The following ZNF609 variants were observed in gnomAD, a reference collection of about 807,000 sequenced individuals.
The protein encoded by ZNF609 is zinc finger protein 609.
Under a neutral mutation model 109.5 loss-of-function variants are expected in ZNF609, and 11 were observed. The ratio of observed to expected loss-of-function variants is 0.10; its 90% confidence interval spans 0.06 to 0.17. ZNF609 has a LOEUF of 0.17. Ranked by LOEUF, ZNF609 falls within the 10% of genes least tolerant of loss-of-function variation. The probability of loss-of-function intolerance (pLI) is 1.00; values close to 1 mark genes in which losing one functional copy is unlikely to be tolerated. For missense variants in ZNF609, 1,559 were observed against 1,772.4 expected (o/e 0.88, Z 2.16); for synonymous variants, 646 against 662.0 (o/e 0.98, Z 0.37).
intron 1 of ZNF609, among the ~76,000 whole-genome samples, chr15:64,476,290 C>A (rs201433643): frequency 1.0e-3 from 147 of 145,234 alleles, no homozygotes; most frequent in Non-Finnish European, 9.3e-4. Context: ...CAAAATAGAC[C>A]AAAAAAAAAA....
chr15:64,503,816 T>C (rs1280172627), intron 2 of ZNF609, among the ~76,000 whole-genome samples: 2 of 152,210 alleles, frequency 1.3e-5, no homozygotes, highest in East Asian at 3.8e-4. Context: ...ACTTCCCCCA[T>C]TAGTTTAGGA....
intron 3 of ZNF609, among the ~76,000 whole-genome samples, chr15:64,651,732 A>G (rs1418361864): frequency 1.3e-5 from 2 of 152,224 alleles, no homozygotes; most frequent in African/African-American, 4.8e-5. Context: ...TAGCAAAGAC[A>G]TGAGGTGACC....
intron 4 of ZNF609, among the ~76,000 whole-genome samples, chr15:64,670,929 G>T (rs1896717081): frequency 6.6e-6 from 1 of 150,944 alleles, no homozygotes; most frequent in Admixed American, 6.6e-5. Context: ...TGTTCGGGGG[G>T]CCGGGTACGG....
At chr15:64,468,835 G>A (rs867652113) in intron 1 of ZNF609, among the ~76,000 whole-genome samples, 2 of 152,044 alleles carry the variant, frequency 1.3e-5, no homozygotes, top group African/African-American at 4.8e-5. Context: ...TCATGCCCCT[G>A]TTTTCATGTG....
At chr15:64,528,795 T>C (rs1595708517) in intron 2 of ZNF609, 1 of 826,566 alleles carries the variant, frequency 1.2e-6, no homozygotes, top group East Asian at 2.5e-5. Context: ...GCATCGAAGG[T>C]AGAAGAGTGG....
chr15:64,577,358 C>T (rs1379946702), intron 2 of ZNF609, among the ~76,000 whole-genome samples: 1 of 16,406 alleles, frequency 6.1e-5, no homozygotes, highest in African/African-American at 1.1e-4. Context: ...TATATATACA[C>T]ATATATGTAT....
At chr15:64,535,925 G>T (rs766355546) in intron 2 of ZNF609, among the ~76,000 whole-genome samples, 4 of 151,702 alleles carry the variant, frequency 2.6e-5, no homozygotes, top group African/African-American at 4.8e-5. Flanking sequence ...ATTCTCTTCA[G>T]TGAATCATCT....
intron 3 of ZNF609, among the ~76,000 whole-genome samples, chr15:64,658,520 C>G (rs998353336): frequency 6.6e-6 from 1 of 151,906 alleles, no homozygotes; most frequent in Admixed American, 6.6e-5. Context: ...ATTGAAGGGC[C>G]ACATACCATG....
rs556122154 is a variant in ZNF609 at position 64,599,168 on chromosome 15, G to GTTT, written c.748-23633_748-23631dup. Among the ~76,000 whole-genome samples the GTTT allele has an allele frequency of 1.8e-3, 84 of 46,456 alleles. 1 individual carries two copies. Among genetic ancestry groups the GTTT allele is most frequent in the Non-Finnish European group, 2.8e-3 (64 of 23,222 alleles). 30.5% of individuals were successfully genotyped at this position (46,456 alleles called of 152,430 possible). On this transcript the variant is annotated intron_variant, in intron 2 of 9. Transcript: ENST00000326648. ...TAAAAAAAAAAGTTATTTTGTGGTGGTTTTTTTTTTTTTTTTTTTTTTTTT... is the reference window on the plus strand; with the variant it reads ...TAAAAAAAAAAGTTATTTTGTGGTGGTTTTTTTTTTTTTTTTTTTTTTTTTTTT...
Position 64,615,666 on chromosome 15 carries a change from T to C in ZNF609, c.748-7161T>C, listed in dbSNP as rs911721279. ...CATGCCTGGCTAATTTTTGTACTTA[T>C]AGTAGAGACGGGGTTTTGCCGTGTT... On this transcript the variant is annotated intron_variant, in intron 2 of 9. Transcript: ENST00000326648. Among the ~76,000 whole-genome samples, 3 of 152,226 alleles carry C rather than the reference T, an allele frequency of 2.0e-5. No homozygotes were observed. The South Asian group carries it at 6.2e-4, about 32-fold the overall frequency.
At chr15:64,480,271 C>T (rs1290933402) in intron 1 of ZNF609, among the ~76,000 whole-genome samples, 5 of 151,640 alleles carry the variant, frequency 3.3e-5, no homozygotes, top group Admixed American at 2.0e-4. Flanking sequence ...CAGTGGCTCA[C>T]GCCTGTAATC....
chr15:64,684,559 C>T lies in ZNF609; in HGVS notation c.*2873C>T, dbSNP rs1374532302. The T allele has an allele frequency of 6.6e-6, 1 of 152,450 alleles. No individual in the cohort carries two copies. The highest frequency in any genetic ancestry group is 1.5e-5 in the Non-Finnish European group (1 of 68,054). The allele number at this position is 152,450 out of a possible 1,614,324, so 9.4% of individuals were successfully genotyped here. On this transcript the variant is annotated 3_prime_UTR_variant, in exon 10 of 10. Transcript: ENST00000326648. Reference sequence around the variant, plus strand: ...TGTACATGTACATGTATGAAATTTCCTTCTCTTACCGAACTCTCTCCACAC... The same window carrying T: ...TGTACATGTACATGTATGAAATTTCTTTCTCTTACCGAACTCTCTCCACAC...
intron 2 of ZNF609, among the ~76,000 whole-genome samples, chr15:64,514,695 G>C (rs916485138): frequency 2.0e-5 from 3 of 150,930 alleles, no homozygotes; most frequent in Admixed American, 6.6e-5. Flanking sequence ...CTAGAGTGCA[G>C]TGGCGCGATC....
chr15:64,584,274 A>G (rs1217711304), intron 2 of ZNF609, among the ~76,000 whole-genome samples: 1 of 152,128 alleles, frequency 6.6e-6, no homozygotes, highest in Non-Finnish European at 1.5e-5. Context: ...CCTGGGCAAC[A>G]TGGCGAAACC....
chr15:64,505,695 G>C (rs542335818), intron 2 of ZNF609, among the ~76,000 whole-genome samples: 1 of 152,194 alleles, frequency 6.6e-6, no homozygotes, highest in Admixed American at 6.5e-5. Flanking sequence ...TGGGGTAAGG[G>C]CCCAGAAATC....
intron 3 of ZNF609, among the ~76,000 whole-genome samples, chr15:64,659,930 G>C (rs1896549653): frequency 6.6e-6 from 1 of 151,434 alleles, no homozygotes; most frequent in Non-Finnish European, 1.5e-5. Flanking sequence ...TGCCTCCTGG[G>C]CTCAAGCGAT....
intron 2 of ZNF609, among the ~76,000 whole-genome samples, chr15:64,508,506 C>T (rs1368023495): frequency 6.6e-6 from 1 of 152,070 alleles, no homozygotes; most frequent in Non-Finnish European, 1.5e-5. Context: ...TGAAAGTACT[C>T]TGTAGAGAAG....
intron 2 of ZNF609, among the ~76,000 whole-genome samples, chr15:64,549,824 C>T (rs1360365678): frequency 6.6e-6 from 1 of 152,128 alleles, no homozygotes; most frequent in African/African-American, 2.4e-5. Flanking sequence ...CTCACTCTGT[C>T]ATCCAGGTTG....
At chr15:64,667,347 G>A (rs1896663753) in intron 3 of ZNF609, among the ~76,000 whole-genome samples, 1 of 152,158 alleles carries the variant, frequency 6.6e-6, no homozygotes, top group Admixed American at 6.6e-5. Context: ...TTATTAGTGG[G>A]TGGCCGTAGA....
Sources: gnomAD v4.1 joint callset for allele counts (sites outside exome capture counted in the v4.1 genomes callset) on GRCh38, gnomAD v4.1.1 for gene constraint, MANE v1.5 for transcripts, NCBI Gene and HGNC (gene_info 2026-07-23, HGNC 2026-07-21) for gene names.